The following ITPK1 variants were observed in gnomAD, a reference collection of about 807,000 sequenced individuals.
ITPK1 encodes inositol 1,3,4-trisphosphate 5/6-kinase.
A neutral mutation model predicts 45.3 loss-of-function variants in ITPK1; 21 were observed. The observed-to-expected ratio is 0.46, with a 90% CI of 0.33 to 0.67. The LOEUF (loss-of-function observed/expected upper bound fraction) is 0.67. Ranked by LOEUF, ITPK1 falls within the 30% of genes least tolerant of loss-of-function variation. The probability of loss-of-function intolerance (pLI) is 0.02; values close to 1 mark genes in which losing one functional copy is unlikely to be tolerated. For synonymous variants in ITPK1, 258 were observed against 253.6 expected, an observed-to-expected ratio of 1.02 and a Z score of -0.16; for missense variants, 474 against 573.5, an observed-to-expected ratio of 0.83 and a Z score of 1.77.
intron 8 of ITPK1, among the ~76,000 whole-genome samples, chr14:92,952,386 C>T (rs556454547): frequency 6.6e-6 from 1 of 152,300 alleles, no homozygotes; most frequent in South Asian, 2.1e-4. Flanking sequence ...AGAGAGGGCC[C>T]ACATCAAAGC....
chr14:93,090,088 C>T (rs1272767437), intron 2 of ITPK1, among the ~76,000 whole-genome samples: 1 of 152,114 alleles, frequency 6.6e-6, no homozygotes, highest in Non-Finnish European at 1.5e-5. Flanking sequence ...CATGGCTCAT[C>T]ACCCCCCAGC....
At chr14:93,104,816 C>G (rs1892457402) in intron 2 of ITPK1, among the ~76,000 whole-genome samples, 1 of 152,196 alleles carries the variant, frequency 6.6e-6, no homozygotes, top group Non-Finnish European at 1.5e-5. Context: ...GCACAGCAGG[C>G]CGCCTGAACA....
chr14:93,056,443 G>A (rs1890218412), intron 3 of ITPK1, among the ~76,000 whole-genome samples: 1 of 152,202 alleles, frequency 6.6e-6, no homozygotes, highest in Admixed American at 6.5e-5. Context: ...TTTCATGGGC[G>A]CCCCATCAGT....
Position 92,941,918 on chromosome 14 carries a change from A to G in ITPK1, c.902-14T>C, listed in dbSNP as rs763475979. 13 of 1,608,806 alleles carry G rather than the reference A, an allele frequency of 8.1e-6. No homozygotes were observed. The African/African-American group carries it at 1.1e-4, about 13-fold the overall frequency. On this transcript the variant is annotated splice_polypyrimidine_tract_variant and intron_variant, in intron 10 of 10. Transcript: ENST00000267615. ...CGCCCTCGTAGCCTGGGGGTGGGAGAGAGACAGCACAAGGGGCGTGAGCCA... is the reference window on the plus strand; with the variant it reads ...CGCCCTCGTAGCCTGGGGGTGGGAGGGAGACAGCACAAGGGGCGTGAGCCA...
At chr14:93,019,814 C>G (rs768972465) in intron 3 of ITPK1, among the ~76,000 whole-genome samples, 1 of 152,112 alleles carries the variant, frequency 6.6e-6, no homozygotes, top group Non-Finnish European at 1.5e-5. Flanking sequence ...GGGGGATGCC[C>G]GGGGGGAAGG....
intron 2 of ITPK1, among the ~76,000 whole-genome samples, chr14:93,105,406 A>G (rs1382122445): frequency 1.3e-5 from 2 of 152,118 alleles, no homozygotes; most frequent in Non-Finnish European, 2.9e-5. Flanking sequence ...TCCCATAAAA[A>G]TCATCAGGGT....
intron 5 of ITPK1, among the ~76,000 whole-genome samples, chr14:92,975,445 C>T (rs1173199574): frequency 6.6e-6 from 1 of 152,198 alleles, no homozygotes; most frequent in East Asian, 1.9e-4. Context: ...CTGCCTTGCT[C>T]ATCTCTGTGT....
rs535798296 is a variant in ITPK1, at chr14:92,940,822, C to G, written c.*739G>C. On this transcript the variant is annotated 3_prime_UTR_variant, in exon 11 of 11. Coordinates refer to ENST00000267615, the MANE Select transcript of ITPK1 (RefSeq NM_014216.6). ...GCCTCCAGCCAGGCAGCCTCCTTCC[C>G]GGGCTCCAGGGAGCAGCAGTGCTGG... 7.8e-7 allele frequency: 1 copy of G among 1,286,788 alleles called. No homozygotes were observed. 79.7% of individuals were successfully genotyped at this position (1,286,788 alleles called of 1,614,324 possible). A position where few individuals can be genotyped will look rare whatever the true frequency, so the allele number is the denominator to read the frequency against.
At chr14:93,093,506 C>A (rs778748376) in intron 2 of ITPK1, among the ~76,000 whole-genome samples, 3 of 152,218 alleles carry the variant, frequency 2.0e-5, no homozygotes, top group Admixed American at 2.0e-4. Flanking sequence ...CTTTCTTCCC[C>A]CCTCAGCCCT....
At chr14:93,083,943 G>A (rs565352779) in intron 2 of ITPK1, among the ~76,000 whole-genome samples, 1 of 152,316 alleles carries the variant, frequency 6.6e-6, no homozygotes, top group South Asian at 2.1e-4. Context: ...ATGCTCGGTG[G>A]TGAACATCAA....
chr14:93,070,032 G>A (rs1282665775), intron 3 of ITPK1: 1 of 152,248 alleles, frequency 6.6e-6, no homozygotes, highest in Non-Finnish European at 1.5e-5. Context: ...ATGGAGGACA[G>A]TGAATCTCTA....
chr14:93,111,348 A>C (rs1286973484), intron 2 of ITPK1, among the ~76,000 whole-genome samples: 1 of 152,126 alleles, frequency 6.6e-6, no homozygotes, highest in Non-Finnish European at 1.5e-5. Context: ...TTTAAAATTA[A>C]ATTAATATCA....
chr14:93,109,275 T>A (rs1412117386), intron 2 of ITPK1, among the ~76,000 whole-genome samples: 1 of 152,202 alleles, frequency 6.6e-6, no homozygotes, highest in African/African-American at 2.4e-5. Flanking sequence ...CACAGTCCCA[T>A]GCAATGTGCA....
intron 3 of ITPK1, among the ~76,000 whole-genome samples, chr14:93,047,872 C>G (rs1309409343): frequency 4.6e-5 from 7 of 152,220 alleles, no homozygotes; most frequent in Non-Finnish European, 8.8e-5. Flanking sequence ...TGCAGGCAAC[C>G]AGTTTCACAT....
intron 5 of ITPK1, among the ~76,000 whole-genome samples, chr14:92,966,881 T>C (rs1297519981): frequency 6.6e-6 from 1 of 152,234 alleles, no homozygotes; most frequent in Non-Finnish European, 1.5e-5. Context: ...CTTGGACAAC[T>C]GGATATTCAC....
intron 5 of ITPK1, among the ~76,000 whole-genome samples, chr14:92,988,204 C>T (rs755859649): frequency 1.3e-5 from 2 of 152,216 alleles, no homozygotes; most frequent in African/African-American, 4.8e-5. Flanking sequence ...CCAGACCCTT[C>T]GATGGGGCAC....
At chr14:93,113,984 GC>G (rs1454060082) in intron 2 of ITPK1, among the ~76,000 whole-genome samples, 2 of 152,228 alleles carry the variant, frequency 1.3e-5, no homozygotes, top group African/African-American at 4.8e-5. Context: ...CCAGCCACGG[GC>G]CCCCAGGAGC....
At chr14:92,955,438 G>A (rs1350146589) in intron 8 of ITPK1, among the ~76,000 whole-genome samples, 2 of 152,164 alleles carry the variant, frequency 1.3e-5, no homozygotes, top group Admixed American at 6.5e-5. Context: ...GGGTAAAGAC[G>A]AGCAAGAAAT....
intron 4 of ITPK1, among the ~76,000 whole-genome samples, chr14:93,008,968 C>T (rs1332518487): frequency 1.3e-5 from 2 of 152,198 alleles, no homozygotes; most frequent in Non-Finnish European, 1.5e-5. Flanking sequence ...CCCACCTGAG[C>T]TCTCAGAGCT....
Sources: gnomAD v4.1 joint callset for allele counts (sites outside exome capture counted in the v4.1 genomes callset) on GRCh38, gnomAD v4.1.1 for gene constraint, MANE v1.5 for transcripts, NCBI Gene and HGNC (gene_info 2026-07-23, HGNC 2026-07-21) for gene names.